TSPAN18: variants seen among roughly 807,000 people sequenced by gnomAD.
The protein encoded by TSPAN18 is tetraspanin 18, also known as tetraspanin-18.
Under a neutral mutation model 27.3 loss-of-function variants are expected in TSPAN18, and 14 were observed. That is an observed-to-expected ratio of 0.51 (90% CI 0.34 to 0.80). TSPAN18 has a LOEUF of 0.80. Ranked by LOEUF, TSPAN18 falls within the 30% of genes least tolerant of loss-of-function variation. The pLI is 0.01. For missense variants in TSPAN18, 268 were observed against 323.9 expected (o/e 0.83, Z 1.32); for synonymous variants, 143 against 136.5 (o/e 1.05, Z -0.33).
intron 3 of TSPAN18, among the ~76,000 whole-genome samples, chr11:44,879,354 T>C (rs1858426357): frequency 6.6e-6 from 1 of 152,004 alleles, no homozygotes; most frequent in African/African-American, 2.4e-5. Flanking sequence ...TCCCCTGCCC[T>C]CTTACATTCA....
At chr11:44,876,774 G>C (rs967291527) in intron 3 of TSPAN18, among the ~76,000 whole-genome samples, 5 of 152,194 alleles carry the variant, frequency 3.3e-5, no homozygotes, top group Non-Finnish European at 7.3e-5. Context: ...GCTACTCTTT[G>C]GTACTGCTTC....
chr11:44,899,512 C>G (rs1293934820), intron 3 of TSPAN18, among the ~76,000 whole-genome samples: 2 of 152,254 alleles, frequency 1.3e-5, no homozygotes, highest in Non-Finnish European at 2.9e-5. Flanking sequence ...GAGTCCTCCC[C>G]TCTCCTGAGG....
At chr11:44,791,985 G>C (rs1035900114) in intron 2 of TSPAN18, among the ~76,000 whole-genome samples, 3 of 152,286 alleles carry the variant, frequency 2.0e-5, no homozygotes, top group Admixed American at 1.3e-4. Context: ...TCCTGGATAG[G>C]GGGGTGCAGC....
intron 1 of TSPAN18, among the ~76,000 whole-genome samples, chr11:44,760,432 C>CA (rs1855426769): frequency 6.6e-6 from 1 of 152,174 alleles, no homozygotes; most frequent in South Asian, 2.1e-4. Context: ...GGGAAATAGA[C>CA]AAGAGTCTTT....
intron 3 of TSPAN18, among the ~76,000 whole-genome samples, chr11:44,874,992 G>A (rs1464416315): frequency 6.6e-6 from 1 of 152,192 alleles, no homozygotes; most frequent in African/African-American, 2.4e-5. Context: ...GCATTAAATT[G>A]GGGGCAGAGG....
At chr11:44,734,502 T>TC (rs1424475063) in intron 1 of TSPAN18, among the ~76,000 whole-genome samples, 1 of 152,096 alleles carries the variant, frequency 6.6e-6, no homozygotes, top group African/African-American at 2.4e-5. Context: ...ACCTCTTCTC[T>TC]CCCCCTTGAG....
intron 3 of TSPAN18, among the ~76,000 whole-genome samples, chr11:44,887,424 T>TG (rs1311797018): frequency 6.6e-6 from 1 of 152,236 alleles, no homozygotes; most frequent in Non-Finnish European, 1.5e-5. Context: ...GGTATAGCCT[T>TG]GGGGGAGTCA....
rs554908334 is a variant in TSPAN18, at chr11:44,820,288, A to G, written c.-152-40040A>G. Among the ~76,000 whole-genome samples, 14 of 152,300 alleles carry G rather than the reference A, an allele frequency of 9.2e-5. No individual in the cohort carries two copies. The East Asian group carries it at 1.9e-3, about 21-fold the overall frequency. On this transcript the variant is annotated intron_variant, in intron 2 of 9. Coordinates refer to ENST00000520358, the MANE Select transcript of TSPAN18 (RefSeq NM_130783.5). ...TAGGAGCCTCCCTATGCAAACCTGA[A>G]TGCCTCTTGCTGTTAGGTGGGGCCT...
rs1858504927 is a variant in TSPAN18, at chr11:44,882,143, C to T, written c.-11+21674C>T. 2.6e-5 allele frequency among the ~76,000 whole-genome samples: 4 copies of T among 152,152 alleles called. No homozygotes were observed. The South Asian group carries it at 8.3e-4, about 31-fold the overall frequency. ...GACTTGCCCAAGGTCACACAGCACC[C>T]AGGGATAGGGTCAGATCAGACCCTG... is the stretch of plus-strand genomic sequence containing the variant. On this transcript the variant is annotated intron_variant, in intron 3 of 9. Coordinates refer to ENST00000520358, the MANE Select transcript of TSPAN18 (RefSeq NM_130783.5).
intron 1 of TSPAN18, among the ~76,000 whole-genome samples, chr11:44,742,309 C>G (rs1274173066): frequency 7.6e-6 from 1 of 130,846 alleles, no homozygotes; most frequent in Non-Finnish European, 1.7e-5. Flanking sequence ...CCCTCCCTCC[C>G]TTTTTTCCTT....
At chr11:44,770,815 A>C (rs1234454574) in intron 2 of TSPAN18, among the ~76,000 whole-genome samples, 1 of 152,144 alleles carries the variant, frequency 6.6e-6, no homozygotes, top group Non-Finnish European at 1.5e-5. Flanking sequence ...TTTTGAGAGC[A>C]AAGTTGATAG....
chr11:44,794,455 G>A (rs1217245195), intron 2 of TSPAN18, among the ~76,000 whole-genome samples: 3 of 152,118 alleles, frequency 2.0e-5, no homozygotes, highest in Non-Finnish European at 4.4e-5. Flanking sequence ...ATCACCTGAG[G>A]TCAGGAGTTC....
intron 2 of TSPAN18, among the ~76,000 whole-genome samples, chr11:44,800,768 G>A (rs1250898872): frequency 1.3e-5 from 2 of 152,204 alleles, no homozygotes; most frequent in African/African-American, 2.4e-5. Context: ...GGGACAGGTG[G>A]GGGCAGGGAC....
At chr11:44,902,573 C>G (rs1009748258) in intron 3 of TSPAN18, among the ~76,000 whole-genome samples, 21 of 152,234 alleles carry the variant, frequency 1.4e-4, no homozygotes, top group Non-Finnish European at 2.6e-4. Context: ...CATGAACCAA[C>G]CAGAAGAGAT....
chr11:44,762,090 C>T (rs145490863), intron 1 of TSPAN18, among the ~76,000 whole-genome samples: 29 of 152,266 alleles, frequency 1.9e-4, no homozygotes, highest in African/African-American at 6.5e-4. Flanking sequence ...TACCCAAAGG[C>T]GGGATGTGGC....
At position 44,757,250 on chromosome 11, in the gene TSPAN18, A is replaced by G. The variant is rs572726502; in HGVS notation, c.-239-7176A>G. On this transcript the variant is annotated intron_variant, in intron 1 of 9. Coordinates refer to ENST00000520358, the MANE Select transcript of TSPAN18 (RefSeq NM_130783.5). ...GTTCAAGTTCCTTCACATCCTAGCC[A>G]ACACTTGTTATTTTTTATTTTTTAT... is the stretch of plus-strand genomic sequence containing the variant. 3.8e-3 allele frequency among the ~76,000 whole-genome samples: 585 copies of G among 152,148 alleles called. 3 individuals carry two copies. The highest frequency in any genetic ancestry group is 0.021 in the South Asian group (103 of 4,814).
At chr11:44,789,227 G>A (rs558852214) in intron 2 of TSPAN18, among the ~76,000 whole-genome samples, 6 of 152,310 alleles carry the variant, frequency 3.9e-5, no homozygotes, top group African/African-American at 4.8e-5. Context: ...AGAAGCTGAG[G>A]TTCTTATTTC....
At chr11:44,817,974 T>G (rs1456117722) in intron 2 of TSPAN18, among the ~76,000 whole-genome samples, 1 of 152,094 alleles carries the variant, frequency 6.6e-6, no homozygotes, top group Non-Finnish European at 1.5e-5. Flanking sequence ...AAATGGGAGG[T>G]CTGAGGCTGG....
intron 2 of TSPAN18, among the ~76,000 whole-genome samples, chr11:44,802,609 G>GCACACACACACACACACACACA (rs3222524): frequency 0.014 from 2,025 of 142,568 alleles, 31 homozygotes; most frequent in African/African-American, 0.039. Flanking sequence ...GGGAAGCACT[G>GCACACACACACACACACACACA]CACACACACA....
Sources: allele counts gnomAD v4.1 joint callset (sites outside exome capture counted in the v4.1 genomes callset), GRCh38; gene constraint gnomAD v4.1.1; transcripts MANE v1.5; gene names NCBI Gene and HGNC (gene_info 2026-07-23, HGNC 2026-07-21).